Variants in SORCS3 observed in about 807,000 individuals in gnomAD.
The protein encoded by SORCS3 is VPS10 domain-containing receptor SorCS3.
In SORCS3, 57 loss-of-function variants were observed where a neutral mutation model predicts 146.3. The observed-to-expected ratio is 0.39, with a 90% CI of 0.31 to 0.49. The LOEUF (loss-of-function observed/expected upper bound fraction) is 0.49. Ranked by LOEUF, SORCS3 falls within the 20% of genes least tolerant of loss-of-function variation. The pLI is 0.92. For missense variants in SORCS3, 1,341 were observed against 1,575.5 expected (o/e 0.85, Z 2.52); for synonymous variants, 653 against 618.5 (o/e 1.06, Z -0.83).
chr10:104,725,090 T>C (rs2016608082), intron 1 of SORCS3, among the ~76,000 whole-genome samples: 1 of 152,192 alleles, frequency 6.6e-6, no homozygotes, highest in African/African-American at 2.4e-5. Flanking sequence ...CTCTGTTTTT[T>C]CCCCATCTTT....
chr10:104,936,591 C>A (rs888701165), intron 3 of SORCS3, among the ~76,000 whole-genome samples: 1 of 152,072 alleles, frequency 6.6e-6, no homozygotes, highest in African/African-American at 2.4e-5. Flanking sequence ...ATGGGACATC[C>A]AGGGGAAAAG....
chr10:104,822,080 T>A (rs2017879411), intron 1 of SORCS3: 1 of 518,298 alleles, frequency 1.9e-6, no homozygotes, highest in Non-Finnish European at 3.9e-6. Context: ...CTTCTCTTAG[T>A]CCTGGAGTCT....
intron 1 of SORCS3, among the ~76,000 whole-genome samples, chr10:104,643,087 T>G (rs1160280730): frequency 6.6e-6 from 1 of 152,204 alleles, no homozygotes; most frequent in Non-Finnish European, 1.5e-5. Context: ...GAAAATCCTT[T>G]CCTCTTCTCT....
intron 3 of SORCS3, among the ~76,000 whole-genome samples, chr10:104,939,940 G>C (rs924729401): frequency 5.3e-5 from 8 of 151,820 alleles, no homozygotes; most frequent in African/African-American, 1.9e-4. Context: ...AAGGGGTCTG[G>C]ATCCAGACAC....
intron 1 of SORCS3, among the ~76,000 whole-genome samples, chr10:104,682,879 C>T (rs1320663720): frequency 6.6e-6 from 1 of 152,210 alleles, no homozygotes; most frequent in Non-Finnish European, 1.5e-5. Context: ...AGGGCAGATG[C>T]AGCAGCCCCT....
At chr10:104,707,900 C>A (rs569506480) in intron 1 of SORCS3, among the ~76,000 whole-genome samples, 1 of 152,190 alleles carries the variant, frequency 6.6e-6, no homozygotes, top group African/African-American at 2.4e-5. Flanking sequence ...GTCAGATACA[C>A]TTGGGATGCA....
intron 4 of SORCS3, among the ~76,000 whole-genome samples, chr10:105,015,569 C>T (rs2055159858): frequency 6.6e-6 from 1 of 152,012 alleles, no homozygotes; most frequent in Admixed American, 6.6e-5. Flanking sequence ...CAATGCCTGA[C>T]AATATCATGT....
At chr10:105,260,695 G>T (rs368873608) in intron 25 of SORCS3, among the ~76,000 whole-genome samples, 25 of 152,304 alleles carry the variant, frequency 1.6e-4, no homozygotes, top group African/African-American at 6.0e-4. Flanking sequence ...GCATCATTTG[G>T]AGTTGGAGCA....
At chr10:105,076,648 T>C (rs2055591286) in intron 5 of SORCS3, among the ~76,000 whole-genome samples, 2 of 152,150 alleles carry the variant, frequency 1.3e-5, no homozygotes, top group Non-Finnish European at 2.9e-5. Context: ...GTTCCTCTCT[T>C]TTATACCCAC....
chr10:104,938,686 A>T (rs906405565), intron 3 of SORCS3, among the ~76,000 whole-genome samples: 6 of 152,246 alleles, frequency 3.9e-5, no homozygotes, highest in African/African-American at 1.4e-4. Flanking sequence ...CCAACATATT[A>T]TCTTTTAATG....
At position 105,245,654 on chromosome 10, in the gene SORCS3, T is replaced by C. The variant is rs1242007233; in HGVS notation, c.2981T>C (p.Ile994Thr). Residue 994 changes from isoleucine to threonine, a missense_variant, in exon 21 of 27, where the codon ATT (isoleucine) becomes ACT (threonine). Coordinates refer to ENST00000369701, the MANE Select transcript of SORCS3 (RefSeq NM_014978.3). ...GNALIQDTKE[I>T]AVHEYFQSQL... ...GCCCTCATCCAGGACACAAAAGAGA[T>C]TGCAGTTCATGGTAAGCCCTGAAAA... 3.7e-6 allele frequency: 6 copies of C among 1,613,998 alleles called. No homozygotes were observed. Among genetic ancestry groups the C allele is most frequent in the South Asian group, 1.1e-5 (1 of 91,062 alleles).
chr10:105,047,140 T>A (rs1160731314), intron 5 of SORCS3, among the ~76,000 whole-genome samples: 1 of 138,006 alleles, frequency 7.2e-6, no homozygotes, highest in Non-Finnish European at 1.7e-5. Flanking sequence ...GTGGGAAGAT[T>A]TTTTTTTTCC....
intron 1 of SORCS3, among the ~76,000 whole-genome samples, chr10:104,704,278 C>T (rs993260402): frequency 1.3e-5 from 2 of 152,010 alleles, no homozygotes; most frequent in Non-Finnish European, 2.9e-5. Context: ...AGTGATCCTC[C>T]CACCTCAGCT....
intron 1 of SORCS3, among the ~76,000 whole-genome samples, chr10:104,799,518 G>A (rs1216579564): frequency 6.6e-6 from 1 of 152,038 alleles, no homozygotes; most frequent in Non-Finnish European, 1.5e-5. Context: ...CACAGGGAGG[G>A]GAACATCACA....
chr10:104,776,531 C>G (rs529392521), intron 1 of SORCS3, among the ~76,000 whole-genome samples: 12 of 152,268 alleles, frequency 7.9e-5, no homozygotes, highest in African/African-American at 2.4e-4. Flanking sequence ...TCAGGTCACA[C>G]TCTGCTAGTG....
At chr10:104,830,350 G>A (rs1179033364) in intron 1 of SORCS3, among the ~76,000 whole-genome samples, 1 of 152,216 alleles carries the variant, frequency 6.6e-6, no homozygotes, top group Non-Finnish European at 1.5e-5. Context: ...GCTGCTCAAA[G>A]ATCGGTCACT....
At chr10:105,016,221 G>A (rs1447305085) in intron 4 of SORCS3, among the ~76,000 whole-genome samples, 14 of 138,216 alleles carry the variant, frequency 1.0e-4, no homozygotes, top group Non-Finnish European at 7.6e-5. Context: ...GCGCGATCTC[G>A]GCTCACTGCA....
At chr10:105,010,211 G>A (rs2055125915) in intron 4 of SORCS3, among the ~76,000 whole-genome samples, 1 of 152,166 alleles carries the variant, frequency 6.6e-6, no homozygotes, top group Admixed American at 6.5e-5. Flanking sequence ...AGGAGCTCAT[G>A]AAGAAACATG....
chr10:104,656,484 G>A (rs1259739923), intron 1 of SORCS3, among the ~76,000 whole-genome samples: 1 of 151,832 alleles, frequency 6.6e-6, no homozygotes, highest in Non-Finnish European at 1.5e-5. Flanking sequence ...CTCTGTCTCT[G>A]CAAAAAATAC....
Sources: allele counts gnomAD v4.1 joint callset (sites outside exome capture counted in the v4.1 genomes callset), GRCh38; gene constraint gnomAD v4.1.1; transcripts MANE v1.5; gene names NCBI Gene and HGNC (gene_info 2026-07-23, HGNC 2026-07-21).